IL15RA: variants seen among roughly 807,000 people sequenced by gnomAD.
The protein encoded by IL15RA is interleukin 15 receptor subunit alpha, also known as interleukin-15 receptor subunit alpha.
In IL15RA, 26 loss-of-function variants were observed where a neutral mutation model predicts 24.2. The observed-to-expected ratio is 1.07, with a 90% CI of 0.79 to 1.49. The LOEUF is 1.49. Among genes scored for constraint, IL15RA ranks in the 40% most tolerant of loss-of-function variants. The pLI, the probability that IL15RA is intolerant of heterozygous loss-of-function variation, is 0.00. For missense variants in IL15RA, 354 were observed against 356.4 expected, an observed-to-expected ratio of 0.99 and a Z score of 0.05; for synonymous variants, 166 against 157.6, an observed-to-expected ratio of 1.05 and a Z score of -0.40.
Position 5,955,865 on chromosome 10 carries a change from G to C in IL15RA, c.692+514C>G, listed in dbSNP as rs761632011. Reference sequence around the variant, plus strand: ...GGCCGCCCCATTTCTACCATGAGCAGGGGTAGGGGGCACTTGGGCTTGGGC... The same window carrying C: ...GGCCGCCCCATTTCTACCATGAGCACGGGTAGGGGGCACTTGGGCTTGGGC... On this transcript the variant is annotated intron_variant, in intron 6 of 6. Transcript: ENST00000379977. The surrounding 1 kb of genome is among the most constrained non-coding windows in gnomAD (Gnocchi z 5.3). Among the ~76,000 whole-genome samples, 5 of 152,166 alleles carry C rather than the reference G, an allele frequency of 3.3e-5. 1 individual carries two copies. Among genetic ancestry groups the C allele is most frequent in the Non-Finnish European group, 7.3e-5 (5 of 68,042 alleles).
rs8177705 is a variant in IL15RA at position 5,960,440 on chromosome 10, G to A, written c.510C>T (p.Ser170=). ...TGTTEISSHE[S]SHGTPSQTTA... The stretch of plus-strand genomic sequence containing the variant: ...TTGTCTGAGAGGGGGTGCCGTGGGA[G>A]GACTCATGACTGCTTATCTCTGTGG... Residue 170 remains serine (S), a synonymous_variant, in exon 4 of 7, where the codon TCC becomes TCT. Transcript: ENST00000379977. This position sits in a 1 kb window ranked among gnomAD's most constrained non-coding sequence, Gnocchi z 5.1. 3.1e-6 allele frequency: 5 copies of A among 1,614,028 alleles called. No individual in the cohort carries two copies. The highest frequency in any genetic ancestry group is 2.7e-5 in the African/African-American group (2 of 74,906).
chr10:5,973,009 C>T lies in IL15RA; in HGVS notation c.88+4396G>A, dbSNP rs8177657. ...CAACCCCAAGTGCACTTACACCTTA[C>T]ATAAAAAAAGCGAACTGAAATTGGT... On this transcript the variant is annotated intron_variant, in intron 1 of 6. Transcript: ENST00000379977. The surrounding 1 kb of genome is among the most constrained non-coding windows in gnomAD (Gnocchi z 4.5). Among the ~76,000 whole-genome samples the T allele has an allele frequency of 8.4e-4, 128 of 152,300 alleles. No individual in the cohort carries two copies. The highest frequency in any genetic ancestry group is 3.0e-3 in the African/African-American group (123 of 41,566).
At position 5,971,250 on chromosome 10, in the gene IL15RA, A is replaced by G. The variant is rs941513172; in HGVS notation, c.89-4911T>C. 3.3e-5 allele frequency among the ~76,000 whole-genome samples: 5 copies of G among 152,210 alleles called. No individual in the cohort carries two copies. The highest frequency in any genetic ancestry group is 1.2e-4 in the African/African-American group (5 of 41,452). ...GATAGATATTTTCTGAATACATATAATGGAATTATGAAGTAATGGAAATTG... is the reference window on the plus strand; with the variant it reads ...GATAGATATTTTCTGAATACATATAGTGGAATTATGAAGTAATGGAAATTG... On this transcript the variant is annotated intron_variant, in intron 1 of 6. Coordinates refer to ENST00000379977, the MANE Select transcript of IL15RA (RefSeq NM_002189.4). The surrounding 1 kb of genome is among the most constrained non-coding windows in gnomAD (Gnocchi z 5.5).
upstream of IL15RA, chr10:5,977,685 G>C (rs940097485): frequency 1.9e-5 from 24 of 1,230,914 alleles, no homozygotes; most frequent in Non-Finnish European, 2.3e-5. Flanking sequence ...ACCCCTGCTG[G>C]GGAAGGAGCC....
Position 5,960,799 on chromosome 10 carries a change from C to G in IL15RA, c.383-232G>C, listed in dbSNP as rs550129583. Among the ~76,000 whole-genome samples, 1 of 152,278 alleles carries G rather than the reference C, an allele frequency of 6.6e-6. No individual in the cohort carries two copies. The highest frequency in any genetic ancestry group is 2.1e-4 in the South Asian group (1 of 4,816). On this transcript the variant is annotated intron_variant, in intron 3 of 6. Transcript: ENST00000379977. The surrounding 1 kb of genome is among the most constrained non-coding windows in gnomAD (Gnocchi z 5.1). ...ATCACGGCACGTATAAAGAAAAGATCAGCCAGACACAGTGGGTCATGCCTA... is the reference window on the plus strand; with the variant it reads ...ATCACGGCACGTATAAAGAAAAGATGAGCCAGACACAGTGGGTCATGCCTA...
Position 5,967,024 on chromosome 10 carries a change from C to G in IL15RA, c.89-685G>C, listed in dbSNP as rs1032428836. The stretch of plus-strand genomic sequence containing the variant: ...TCGGCCTCCCAAAGTGCTGGGATTA[C>G]AGGTGTGAGCCACCATGCCAGGCCC... On this transcript the variant is annotated intron_variant, in intron 1 of 6. Coordinates refer to ENST00000379977, the MANE Select transcript of IL15RA (RefSeq NM_002189.4). The surrounding 1 kb of genome is among the most constrained non-coding windows in gnomAD (Gnocchi z 4.4). Among the ~76,000 whole-genome samples the G allele has an allele frequency of 1.3e-5, 2 of 152,100 alleles. No homozygotes were observed. The highest frequency in any genetic ancestry group is 2.4e-5 in the African/African-American group (1 of 41,422).
chr10:5,949,882 G>A (rs1833755099), downstream of IL15RA, among the ~76,000 whole-genome samples: 1 of 152,064 alleles, frequency 6.6e-6, no homozygotes, highest in South Asian at 2.1e-4. The surrounding 1 kb of genome is among the most constrained non-coding windows in gnomAD (Gnocchi z 4.4). Context: ...GATCACCTGA[G>A]GTCAGGAGTT....
downstream of IL15RA, chr10:5,949,466 T>C (rs1833722548): frequency 8.9e-6 from 4 of 448,574 alleles, no homozygotes; most frequent in South Asian, 6.5e-5. The surrounding 1 kb of genome is among the most constrained non-coding windows in gnomAD (Gnocchi z 4.4). Context: ...GTGATTTGGG[T>C]CGGGCTGGTC....
Position 5,959,887 on chromosome 10 carries a change from C to T in IL15RA, c.584-101G>A. The T allele has an allele frequency of 9.0e-7, 1 of 1,108,870 alleles. No homozygotes were observed. Among genetic ancestry groups the T allele is most frequent in the Admixed American group, 1.9e-5 (1 of 53,418 alleles). The allele number at this position is 1,108,870 out of a possible 1,614,324, so 68.7% of individuals were successfully genotyped here. Reference sequence around the variant, plus strand: ...CATGGCTTGGCTCCCATCTTAGCACCCTGGGAGACTCGTGGCTGGCGTAAC... The same window carrying T: ...CATGGCTTGGCTCCCATCTTAGCACTCTGGGAGACTCGTGGCTGGCGTAAC... On this transcript the variant is annotated intron_variant, in intron 4 of 6. Coordinates refer to ENST00000379977, the MANE Select transcript of IL15RA (RefSeq NM_002189.4). This position sits in a 1 kb window ranked among gnomAD's most constrained non-coding sequence, Gnocchi z 4.1.
Position 5,963,785 on chromosome 10 carries a change from C to A in IL15RA, c.340G>T (p.Gly114Trp). Residue 114 changes from glycine to tryptophan, a missense_variant, in exon 3 of 7, where the codon GGG (glycine) becomes TGG (tryptophan). Transcript: ENST00000379977. This position sits in a 1 kb window ranked among gnomAD's most constrained non-coding sequence, Gnocchi z 5.3. ...AGGCTCTCTGGCTGTGGGGTCACCC[C>A]TGCCGTCGTTACTGTGGAGGGTGGC... ...PAPPSTVTTA[G>W]VTPQPESLSP... 1 of 1,532,756 alleles carries A rather than the reference C, an allele frequency of 6.5e-7. No homozygotes were observed. The highest frequency in any genetic ancestry group is 2.5e-5 in the Admixed American group (1 of 39,588). The allele number at this position is 1,532,756 out of a possible 1,614,324, so 94.9% of individuals were successfully genotyped here. A position where few individuals can be genotyped will look rare whatever the true frequency, so the allele number is the denominator to read the frequency against.
chr10:5,951,701 G>A (rs1264609384), downstream of IL15RA, among the ~76,000 whole-genome samples: 1 of 152,160 alleles, frequency 6.6e-6, no homozygotes, highest in Non-Finnish European at 1.5e-5. Context: ...GGCGGCACAT[G>A]CCTGTAGTTC....
rs1834390952 is a variant in IL15RA at position 5,955,520 on chromosome 10, A to G, written c.692+859T>C. Among the ~76,000 whole-genome samples the G allele has an allele frequency of 6.6e-6, 1 of 152,206 alleles. No individual in the cohort carries two copies. Among genetic ancestry groups the G allele is most frequent in the Non-Finnish European group, 1.5e-5 (1 of 68,036 alleles). ...CCGTATCAGTATGGAATGCTGGAAT[A>G]CTGGTTACTAATTGATAGAAGTACA... is the stretch of plus-strand genomic sequence containing the variant. On this transcript the variant is annotated intron_variant, in intron 6 of 6. Transcript: ENST00000379977. The surrounding 1 kb of genome is among the most constrained non-coding windows in gnomAD (Gnocchi z 5.3).
At position 5,966,049 on chromosome 10, in the gene IL15RA, A is replaced by G. The variant is rs921312629; in HGVS notation, c.283+96T>C. On this transcript the variant is annotated intron_variant, in intron 2 of 6. Transcript: ENST00000379977. The surrounding 1 kb of genome is among the most constrained non-coding windows in gnomAD (Gnocchi z 6.4). ...ACTGGTGTGTTTAGCCTCAGACCTCAGCACAGATCCCTTGACCCCTGAGAT... is the reference window on the plus strand; with the variant it reads ...ACTGGTGTGTTTAGCCTCAGACCTCGGCACAGATCCCTTGACCCCTGAGAT... 6.8e-6 allele frequency: 6 copies of G among 883,550 alleles called. No homozygotes were observed. The highest frequency in any genetic ancestry group is 2.9e-4 in the Middle Eastern group (1 of 3,410). The allele number at this position is 883,550 out of a possible 1,614,324, so 54.7% of individuals were successfully genotyped here.
intron 1 of IL15RA, among the ~76,000 whole-genome samples, chr10:5,972,966 C>A (rs919722046): frequency 1.3e-5 from 2 of 152,104 alleles, no homozygotes; most frequent in Non-Finnish European, 1.5e-5. Context: ...CTTAAAGACA[C>A]ATGAAAAGTT....
At chr10:5,969,956 C>T (rs1456168031) in intron 1 of IL15RA, among the ~76,000 whole-genome samples, 14 of 152,022 alleles carry the variant, frequency 9.2e-5, no homozygotes, top group African/African-American at 2.7e-4. Context: ...ATATTTATTT[C>T]GATTTCTTAT....
In IL15RA at chr10:5,961,775, C is replaced by T. The variant is rs780659030; in HGVS notation, c.383-1208G>A. On this transcript the variant is annotated intron_variant, in intron 3 of 6. Transcript: ENST00000379977. The surrounding 1 kb of genome is among the most constrained non-coding windows in gnomAD (Gnocchi z 5.2). ...AATGTGTCTTCCATTGTGACAGCCA[C>T]GGAATCTAGGAAACGTGAGGCCAAG... Among the ~76,000 whole-genome samples, 23 of 152,240 alleles carry T rather than the reference C, an allele frequency of 1.5e-4. No homozygotes were observed. The highest frequency in any genetic ancestry group is 3.3e-4 in the Admixed American group (5 of 15,288).
downstream of IL15RA, among the ~76,000 whole-genome samples, chr10:5,951,472 G>A (rs1159060696): frequency 2.6e-5 from 4 of 152,200 alleles, no homozygotes; most frequent in Admixed American, 2.6e-4. Flanking sequence ...TTGGTGGCTG[G>A]TTTTCAGCCA....
chr10:5,969,648 G>A (rs541216472), intron 1 of IL15RA, among the ~76,000 whole-genome samples: 1 of 152,316 alleles, frequency 6.6e-6, no homozygotes, highest in South Asian at 2.1e-4. Flanking sequence ...ACAGGCGTGA[G>A]CCACCCCGCC....
At position 5,959,771 on chromosome 10, in the gene IL15RA, C is replaced by T. The variant is rs779208076; in HGVS notation, c.599G>A (p.Gly200Asp). The T allele has an allele frequency of 1.9e-6, 3 of 1,613,962 alleles. No individual in the cohort carries two copies. Among genetic ancestry groups the T allele is most frequent in the South Asian group, 2.2e-5 (2 of 91,072 alleles). ...SHQPPGVYPQ[G>D]HSDTTVAIST... ...ACACTTACCAGTGGTGTCGCTGTGG[C>T]CCTGTGGATACACACCTGCGGAAAA... is the stretch of plus-strand genomic sequence containing the variant. Residue 200 changes from glycine (G) to aspartate (D), a missense_variant, in exon 5 of 7, where the codon GGC becomes GAC. Gly to Asp is a moderately conservative substitution (Grantham distance 94). Coordinates refer to ENST00000379977, the MANE Select transcript of IL15RA (RefSeq NM_002189.4). This position sits in a 1 kb window ranked among gnomAD's most constrained non-coding sequence, Gnocchi z 4.1.
Sources: allele counts gnomAD v4.1 joint callset (sites outside exome capture counted in the v4.1 genomes callset), GRCh38; gene constraint gnomAD v4.1.1; non-coding constraint Gnocchi (gnomAD v3.1); transcripts MANE v1.5; gene names NCBI Gene and HGNC (gene_info 2026-07-23, HGNC 2026-07-21).